FHIP1A: variants seen among roughly 807,000 people sequenced by gnomAD.
FHIP1A encodes FHF complex subunit HOOK-interacting protein 1A.
Under a neutral mutation model 88.6 loss-of-function variants are expected in FHIP1A, and 61 were observed. The observed-to-expected ratio is 0.69, with a 90% confidence interval of 0.56 to 0.85. The LOEUF is 0.85. Ranked by LOEUF, FHIP1A falls within the 40% of genes least tolerant of loss-of-function variation. FHIP1A has a pLI of 0.00. For synonymous variants in FHIP1A, 478 were observed against 496.0 expected (o/e 0.96, Z 0.48); for missense variants, 1,154 against 1,273.5 (o/e 0.91, Z 1.43).
chr4:151,627,673 G>T (rs1166224012), intron 7 of FHIP1A, among the ~76,000 whole-genome samples: 1 of 152,192 alleles, frequency 6.6e-6, no homozygotes, highest in Non-Finnish European at 1.5e-5. Context: ...GTGAGCTAAT[G>T]TAGGGTTGTT....
intron 7 of FHIP1A, among the ~76,000 whole-genome samples, chr4:151,602,459 A>G (rs1300724840): frequency 1.3e-5 from 2 of 152,178 alleles, no homozygotes; most frequent in Non-Finnish European, 2.9e-5. Context: ...GGAGACTGAC[A>G]TGTTAATTTA....
intron 7 of FHIP1A, among the ~76,000 whole-genome samples, chr4:151,627,220 T>G (rs1032395348): frequency 2.0e-5 from 3 of 152,226 alleles, no homozygotes; most frequent in African/African-American, 7.2e-5. Context: ...TCCAAGTGCT[T>G]TCTTAAATCC....
In FHIP1A at chr4:151,550,364, G is replaced by A. The variant is rs188734231; in HGVS notation, c.-122-15774G>A. On this transcript the variant is annotated intron_variant, in intron 3 of 13. Coordinates refer to ENST00000435205, the MANE Select transcript of FHIP1A (RefSeq NM_001109977.3). ...TATTTTTTGTACCCATTAGCCATCC[G>A]CACCTCCCCCCGAACCCCTATGTGT... is the stretch of plus-strand genomic sequence containing the variant. Among the ~76,000 whole-genome samples, 441 of 152,082 alleles carry A rather than the reference G, an allele frequency of 2.9e-3. 2 individuals are homozygous for A. Among genetic ancestry groups the A allele is most frequent in the African/African-American group, 0.01 (424 of 41,490 alleles).
chr4:151,453,537 A>G (rs145443936), intron 1 of FHIP1A, among the ~76,000 whole-genome samples: 3 of 152,238 alleles, frequency 2.0e-5, no homozygotes, highest in African/African-American at 7.2e-5. Context: ...CATACAACAA[A>G]CTTATTAATG....
chr4:151,610,515 C>T (rs1472254410), intron 7 of FHIP1A, among the ~76,000 whole-genome samples: 2 of 152,102 alleles, frequency 1.3e-5, no homozygotes, highest in Admixed American at 6.5e-5. Context: ...CTTGGTAGAA[C>T]CCAACCATTT....
chr4:151,653,376 C>G (rs1474174460), intron 11 of FHIP1A, among the ~76,000 whole-genome samples: 1 of 151,986 alleles, frequency 6.6e-6, no homozygotes, highest in Non-Finnish European at 1.5e-5. Context: ...CTCTCTCTCT[C>G]TCCCCCTCCC....
In FHIP1A at chr4:151,541,380, G is replaced by C. The variant is rs186299413; in HGVS notation, c.-122-24758G>C. Among the ~76,000 whole-genome samples, 544 of 152,280 alleles carry C rather than the reference G, an allele frequency of 3.6e-3. 21 individuals are homozygous for C. The South Asian group carries it at 0.11, about 30-fold the overall frequency. Reference sequence around the variant, plus strand: ...TGCCTGGCCTGAGCTGGTAATTGGAGTTTAGCCACTGCATATACATTTTTA... The same window carrying C: ...TGCCTGGCCTGAGCTGGTAATTGGACTTTAGCCACTGCATATACATTTTTA... On this transcript the variant is annotated intron_variant, in intron 3 of 13. Coordinates refer to ENST00000435205, the MANE Select transcript of FHIP1A (RefSeq NM_001109977.3).
chr4:151,576,426 A>C (rs1206337422), intron 4 of FHIP1A, among the ~76,000 whole-genome samples: 1 of 151,976 alleles, frequency 6.6e-6, no homozygotes, highest in African/African-American at 2.4e-5. Context: ...AAATGATCCT[A>C]ATACCTCAGA....
At chr4:151,615,464 C>T (rs1735486232) in intron 7 of FHIP1A, among the ~76,000 whole-genome samples, 1 of 152,130 alleles carries the variant, frequency 6.6e-6, no homozygotes, top group African/African-American at 2.4e-5. Flanking sequence ...ATATTTGGCA[C>T]AGAGCTGGTA....
intron 8 of FHIP1A, among the ~76,000 whole-genome samples, chr4:151,633,273 T>A (rs1736225061): frequency 6.6e-6 from 1 of 151,604 alleles, no homozygotes; most frequent in South Asian, 2.1e-4. Context: ...TAAAAAAAAA[T>A]CTGAACAGAC....
chr4:151,516,045 A>C (rs1200711480), intron 3 of FHIP1A, among the ~76,000 whole-genome samples: 1 of 152,212 alleles, frequency 6.6e-6, no homozygotes, highest in Admixed American at 6.5e-5. Context: ...ACCTGACTTC[A>C]AACTATACTA....
chr4:151,566,396 C>A, intron 4 of FHIP1A, 32 bp downstream of exon 4: 1 of 1,312,640 alleles, frequency 7.6e-7, no homozygotes, highest in Non-Finnish European at 1.1e-6. Flanking sequence ...TTTTGCTGGT[C>A]TCAGTAACCC....
intron 1 of FHIP1A, among the ~76,000 whole-genome samples, chr4:151,440,846 C>T (rs1025161096): frequency 6.6e-6 from 1 of 152,168 alleles, no homozygotes. Flanking sequence ...CAAGCAAATT[C>T]CCAGTTTTTG....
At chr4:151,633,534 C>T (rs978654239) in intron 8 of FHIP1A, among the ~76,000 whole-genome samples, 1 of 151,878 alleles carries the variant, frequency 6.6e-6, no homozygotes, top group African/African-American at 2.4e-5. Flanking sequence ...TCCCTGATGA[C>T]TGTTGATGCA....
intron 2 of FHIP1A, among the ~76,000 whole-genome samples, chr4:151,467,832 G>T (rs1027978868): frequency 6.6e-6 from 1 of 152,026 alleles, no homozygotes; most frequent in African/African-American, 2.4e-5. Flanking sequence ...CCTGTCAGGG[G>T]GTGGAGGGCA....
intron 4 of FHIP1A, among the ~76,000 whole-genome samples, chr4:151,576,005 G>A (rs1036115604): frequency 2.0e-5 from 3 of 152,190 alleles, no homozygotes; most frequent in Non-Finnish European, 4.4e-5. Context: ...ATTGATAAAT[G>A]TTTGGTTGTT....
At chr4:151,436,884 A>T (rs866502168) in intron 1 of FHIP1A, among the ~76,000 whole-genome samples, 1 of 152,196 alleles carries the variant, frequency 6.6e-6, no homozygotes, top group African/African-American at 2.4e-5. Context: ...TAGTATTTGC[A>T]TATAACCTAC....
intron 9 of FHIP1A, among the ~76,000 whole-genome samples, chr4:151,645,213 G>A (rs1303124115): frequency 2.0e-5 from 3 of 152,176 alleles, no homozygotes; most frequent in Admixed American, 6.5e-5. Context: ...TCTGCCCATG[G>A]AGACAGTAGG....
chr4:151,453,773 G>A (rs538758952), intron 1 of FHIP1A, among the ~76,000 whole-genome samples: 1 of 152,138 alleles, frequency 6.6e-6, no homozygotes, highest in East Asian at 1.9e-4. Context: ...ACTGGGAGGC[G>A]GAGGTGGCGG....
Sources: gnomAD v4.1 joint callset for allele counts (sites outside exome capture counted in the v4.1 genomes callset) on GRCh38, gnomAD v4.1.1 for gene constraint, MANE v1.5 for transcripts, NCBI Gene and HGNC (gene_info 2026-07-23, HGNC 2026-07-21) for gene names.